Variants in DCC observed in about 807,000 individuals in gnomAD.
DCC encodes the protein DCC netrin 1 receptor.
In DCC, 58 loss-of-function variants were observed where a neutral mutation model predicts 172.5. The ratio of observed to expected loss-of-function variants is 0.34; its 90% CI spans 0.27 to 0.42. The LOEUF (loss-of-function observed/expected upper bound fraction) is 0.42, where lower values mean the gene tolerates loss of function less well. Among genes scored for constraint, DCC ranks in the 10% least tolerant of loss-of-function variants. DCC has a pLI of 1.00. For synonymous variants in DCC, 709 were observed against 644.5 expected (o/e 1.10, Z -1.52); for missense variants, 1,740 against 1,791.0 (o/e 0.97, Z 0.51).
chr18:52,498,501 G>A (rs1053651378), intron 1 of DCC, among the ~76,000 whole-genome samples: 6 of 152,084 alleles, frequency 3.9e-5, no homozygotes, highest in Admixed American at 3.3e-4. Context: ...GCAGGAGCCT[G>A]TAATCCCAGT....
At chr18:52,449,972 T>C (rs985407352) in intron 1 of DCC, among the ~76,000 whole-genome samples, 1 of 152,214 alleles carries the variant, frequency 6.6e-6, no homozygotes, top group African/African-American at 2.4e-5. Context: ...GGGTATGTCT[T>C]TATTAGCAGC....
intron 1 of DCC, among the ~76,000 whole-genome samples, chr18:52,454,641 G>A (rs904695433): frequency 1.4e-4 from 22 of 152,060 alleles, no homozygotes; most frequent in Non-Finnish European, 2.5e-4. Context: ...ACTTTTATTT[G>A]TAGTGTTTTT....
intron 26 of DCC, among the ~76,000 whole-genome samples, chr18:53,493,802 T>C (rs2045987076): frequency 6.6e-6 from 1 of 151,962 alleles, no homozygotes; most frequent in African/African-American, 2.4e-5. Flanking sequence ...TGTCTTCTGC[T>C]AGCTTTTTCC....
intron 9 of DCC, among the ~76,000 whole-genome samples, chr18:53,191,574 C>G (rs1219777959): frequency 6.6e-6 from 1 of 152,034 alleles, no homozygotes; most frequent in African/African-American, 2.4e-5. Context: ...ACAGTGATTG[C>G]TTATATGTAT....
chr18:53,194,409 A>C (rs903973979), intron 9 of DCC, among the ~76,000 whole-genome samples: 4 of 151,670 alleles, frequency 2.6e-5, no homozygotes, highest in African/African-American at 7.3e-5. Context: ...TGGCTTTTCT[A>C]TCAGGGACTC....
intron 5 of DCC, chr18:52,940,792 A>C (rs948784293): frequency 6.6e-6 from 1 of 152,216 alleles, no homozygotes; most frequent in African/African-American, 2.4e-5. Context: ...AAGACAGTCC[A>C]ATGGAGTGTG....
intron 7 of DCC, among the ~76,000 whole-genome samples, chr18:53,129,010 C>T (rs1463730941): frequency 6.6e-6 from 1 of 151,680 alleles, no homozygotes; most frequent in Admixed American, 6.6e-5. Flanking sequence ...CCTCAGCTTC[C>T]TGAGTAGCTG....
intron 11 of DCC, among the ~76,000 whole-genome samples, chr18:53,208,961 C>G (rs188486146): frequency 1.3e-5 from 2 of 152,268 alleles, no homozygotes; most frequent in African/African-American, 4.8e-5. Flanking sequence ...GAACTCCTGA[C>G]CTCAAGTGAT....
At chr18:52,789,478 G>T (rs2037720538) in intron 2 of DCC, among the ~76,000 whole-genome samples, 2 of 152,128 alleles carry the variant, frequency 1.3e-5, no homozygotes, top group Admixed American at 1.3e-4. Flanking sequence ...TCTAGAACTT[G>T]GATATCTGCT....
In DCC at chr18:52,811,255, T is replaced by G. The variant is rs146125253; in HGVS notation, c.412+58881T>G. On this transcript the variant is annotated intron_variant, in intron 2 of 28. Coordinates refer to ENST00000442544, the MANE Select transcript of DCC (RefSeq NM_005215.4). ...TATGAATAAAAATGACCTATGAATATTTATATGATACCCTTTTTCTTATCA... is the reference window on the plus strand; with the variant it reads ...TATGAATAAAAATGACCTATGAATAGTTATATGATACCCTTTTTCTTATCA... Among the ~76,000 whole-genome samples the G allele has an allele frequency of 4.3e-4, 65 of 152,344 alleles. 1 individual carries two copies. Among genetic ancestry groups the G allele is most frequent in the Non-Finnish European group, 2.6e-4 (18 of 68,032 alleles).
At chr18:52,535,226 A>G (rs990222190) in intron 1 of DCC, among the ~76,000 whole-genome samples, 27 of 152,182 alleles carry the variant, frequency 1.8e-4, no homozygotes, top group Non-Finnish European at 3.4e-4. Context: ...CTCAAAGCTT[A>G]GTAATGCAAA....
intron 1 of DCC, among the ~76,000 whole-genome samples, chr18:52,360,146 T>C (rs1984555588): frequency 1.3e-5 from 2 of 152,222 alleles, no homozygotes; most frequent in Admixed American, 6.5e-5. Flanking sequence ...TATTCTCCTC[T>C]CTAAAAGAGG....
rs1240380503 is a variant in DCC at position 53,435,185 on chromosome 18, T to A, written c.3205T>A (p.Leu1069Met). The change falls in exon 22 of 29, where the codon TTG becomes ATG. Residue 1069 changes from leucine (L) to methionine (M), a missense_variant. Transcript: ENST00000442544. The part of the protein sequence containing the change: ...DGGYWPVDTN[L>M]IDRSTLNEPP... ...AGGTTATTGGCCAGTTGATACTAATTTGATTGATAGAAGCACCCTAAATGG... is the reference window on the plus strand; with the variant it reads ...AGGTTATTGGCCAGTTGATACTAATATGATTGATAGAAGCACCCTAAATGG... The A allele has an allele frequency of 6.2e-7, 1 of 1,608,686 alleles. No individual in the cohort carries two copies. The highest frequency in any genetic ancestry group is 8.5e-7 in the Non-Finnish European group (1 of 1,175,262).
intron 1 of DCC, among the ~76,000 whole-genome samples, chr18:52,425,461 T>A (rs1438479656): frequency 6.6e-6 from 1 of 152,142 alleles, no homozygotes; most frequent in Non-Finnish European, 1.5e-5. Flanking sequence ...AGGTTGGTGC[T>A]ACCATGCAAA....
At chr18:53,013,730 T>C (rs2041765980) in intron 5 of DCC, among the ~76,000 whole-genome samples, 1 of 152,006 alleles carries the variant, frequency 6.6e-6, no homozygotes, top group African/African-American at 2.4e-5. Flanking sequence ...AGTCTAATTC[T>C]TCTTCAGCCT....
At chr18:53,344,444 T>C (rs1304340489) in intron 15 of DCC, among the ~76,000 whole-genome samples, 2 of 137,682 alleles carry the variant, frequency 1.5e-5, no homozygotes, top group Non-Finnish European at 3.2e-5. Context: ...GTTTTTCTTT[T>C]TTTTTTTTTT....
rs1359816814 is a variant in DCC, at chr18:52,497,271, AAAAAAAAAAATAT to A, written c.91+156395_91+156407del. 6.8e-4 allele frequency among the ~76,000 whole-genome samples: 64 copies of A among 94,020 alleles called. 8 individuals are homozygous for A. The East Asian group carries it at 7.0e-3, about 10-fold the overall frequency. The allele number at this position is 94,020 out of a possible 152,430, so 61.7% of individuals were successfully genotyped here. The stretch of plus-strand genomic sequence containing the variant: ...GTGAGACCCTGTATCAAAAAAAAAA[AAAAAAAAAAATAT>A]ATATATATATATATATATATATATA... On this transcript the variant is annotated intron_variant, in intron 1 of 28. Coordinates refer to ENST00000442544, the MANE Select transcript of DCC (RefSeq NM_005215.4).
intron 2 of DCC, among the ~76,000 whole-genome samples, chr18:52,885,824 C>T (rs1351283112): frequency 5.3e-5 from 8 of 152,090 alleles, no homozygotes; most frequent in African/African-American, 1.9e-4. Context: ...ACTAACTTGA[C>T]ATCACTGTTG....
At chr18:52,594,100 T>A (rs2033858777) in intron 1 of DCC, among the ~76,000 whole-genome samples, 1 of 152,150 alleles carries the variant, frequency 6.6e-6, no homozygotes, top group Admixed American at 6.5e-5. Context: ...TTACTCGGGA[T>A]TTGCCTCTTC....
Sources: allele counts gnomAD v4.1 joint callset (sites outside exome capture counted in the v4.1 genomes callset), GRCh38; gene constraint gnomAD v4.1.1; transcripts MANE v1.5; gene names NCBI Gene and HGNC (gene_info 2026-07-23, HGNC 2026-07-21).